Variants in CREBBP observed in about 807,000 individuals in gnomAD.
CREBBP encodes CREB-binding protein.
Under a neutral mutation model 265.0 loss-of-function variants are expected in CREBBP, and 19 were observed. That is an observed-to-expected ratio of 0.07 (90% confidence interval 0.05 to 0.11). The LOEUF is 0.11. Among genes scored for constraint, CREBBP ranks in the 10% least tolerant of loss-of-function variants. CREBBP has a pLI of 1.00. For synonymous variants in CREBBP, 1,457 were observed against 1,223.7 expected (o/e 1.19, Z -3.98); for missense variants, 2,525 against 3,219.0 (o/e 0.78, Z 5.22).
At chr16:3,861,212 T>G (rs1031271530) in intron 1 of CREBBP, among the ~76,000 whole-genome samples, 2 of 152,108 alleles carry the variant, frequency 1.3e-5, no homozygotes, top group African/African-American at 4.8e-5. Flanking sequence ...GAGGTTGCAG[T>G]GAGCCGAGAT....
rs1021296124 is a variant in CREBBP at position 3,880,050 on chromosome 16, G to T, written c.-134C>A. 3.5e-6 allele frequency: 2 copies of T among 576,924 alleles called. No homozygotes were observed. Among genetic ancestry groups the T allele is most frequent in the African/African-American group, 4.0e-5 (2 of 49,862 alleles). The allele number at this position is 576,924 out of a possible 1,614,324, so 35.7% of individuals were successfully genotyped here. ...CGCGAGCGGGCGGGCGGGCGCCGAG[G>T]GAGAGGGAGGGCGCAGGCCGGGTGG... On this transcript the variant is annotated 5_prime_UTR_variant, in exon 1 of 31. Transcript: ENST00000262367.
At chr16:3,758,453 C>T (rs2052637024) in intron 17 of CREBBP, among the ~76,000 whole-genome samples, 1 of 152,164 alleles carries the variant, frequency 6.6e-6, no homozygotes, top group Non-Finnish European at 1.5e-5. Context: ...AAACACAAAG[C>T]TAGTAATGAC....
At chr16:3,795,470 G>C (rs1226764516) in intron 3 of CREBBP, among the ~76,000 whole-genome samples, 4 of 152,058 alleles carry the variant, frequency 2.6e-5, no homozygotes, top group Admixed American at 2.0e-4. Context: ...TTTGCTTAGT[G>C]TTTTTTCCAT....
rs532376192 is a variant in CREBBP, at chr16:3,751,358, C to T, written c.3779+368G>A. Among the ~76,000 whole-genome samples, 168 of 152,302 alleles carry T rather than the reference C, an allele frequency of 1.1e-3. 1 individual carries two copies. Among genetic ancestry groups the T allele is most frequent in the South Asian group, 3.7e-3 (18 of 4,816 alleles). On this transcript the variant is annotated intron_variant, in intron 20 of 30. Coordinates refer to ENST00000262367, the MANE Select transcript of CREBBP (RefSeq NM_004380.3). The stretch of plus-strand genomic sequence containing the variant: ...ATCCCAGCACTTTGGAAGGCCCAGG[C>T]AGGTGGATTGTGCTTCAGTCTAGGA...
Position 3,726,044 on chromosome 16 carries a change from C to G in CREBBP, c.*1674G>C. 4.3e-6 allele frequency: 1 copy of G among 233,276 alleles called. No individual in the cohort carries two copies. Among genetic ancestry groups the G allele is most frequent in the East Asian group, 6.0e-5 (1 of 16,578 alleles). The allele number at this position is 233,276 out of a possible 1,614,324, so 14.5% of individuals were successfully genotyped here. ...GGAGGCAGGACCATGTGGCTAAGTG[C>G]AAGTATCCCCCGAAGTGGGGGACCT... On this transcript the variant is annotated 3_prime_UTR_variant, in exon 31 of 31. Coordinates refer to ENST00000262367, the MANE Select transcript of CREBBP (RefSeq NM_004380.3).
chr16:3,753,113 A>C (rs1189309185), intron 19 of CREBBP, among the ~76,000 whole-genome samples: 1 of 152,206 alleles, frequency 6.6e-6, no homozygotes, highest in Non-Finnish European at 1.5e-5. Context: ...TAGTATTAAA[A>C]ACAGTGCGAC....
intron 22 of CREBBP, 126 bp from the exon 23 acceptor site, chr16:3,745,087 A>C: frequency 1.1e-6 from 1 of 903,172 alleles, no homozygotes; most frequent in South Asian, 1.4e-5. Context: ...AAGAGTGAAG[A>C]GGCAGACTGC....
At position 3,734,001 on chromosome 16, in the gene CREBBP, G is replaced by C. The variant is rs373239476; in HGVS notation, c.4728+2035C>G. Among the ~76,000 whole-genome samples the C allele has an allele frequency of 3.3e-5, 5 of 152,300 alleles. No homozygotes were observed. In the East Asian group the frequency reaches 7.7e-4, roughly 23 times the overall value. ...ATGTTCATGAAATTAAGAAAATATAGACAAGTAATTTTAAAAAGTTTTGTT... is the reference window on the plus strand; with the variant it reads ...ATGTTCATGAAATTAAGAAAATATACACAAGTAATTTTAAAAAGTTTTGTT... On this transcript the variant is annotated intron_variant, in intron 28 of 30. Transcript: ENST00000262367.
intron 23 of CREBBP, chr16:3,740,796 C>T (rs1455498374): frequency 4.0e-5 from 22 of 554,522 alleles, no homozygotes; most frequent in Non-Finnish European, 4.9e-5. Flanking sequence ...GCATCTTTTT[C>T]TAACAGTATG....
intron 21 of CREBBP, among the ~76,000 whole-genome samples, chr16:3,746,509 T>C (rs947556069): frequency 1.1e-4 from 17 of 152,188 alleles, no homozygotes; most frequent in African/African-American, 4.1e-4. Context: ...AGCTCTGTCT[T>C]TGACAACTCA....
chr16:3,872,638 C>T (rs547883923), intron 1 of CREBBP, among the ~76,000 whole-genome samples: 9 of 152,194 alleles, frequency 5.9e-5, no homozygotes, highest in African/African-American at 2.2e-4. Context: ...CTAAAGGGAA[C>T]GCTGAGCGCA....
rs534853661 is a variant in CREBBP at position 3,850,879 on chromosome 16, C to A, written c.216G>T (p.Glu72Asp). The A allele has an allele frequency of 6.9e-5, 112 of 1,614,168 alleles. 2 individuals are homozygous for A. The South Asian group carries it at 1.2e-3, about 17-fold the overall frequency. ...TAGAGCCGCTGCCTCCTCGTAGAAG[C>A]TCCGACAGTTGTTTATGTTTGGAAG... ...DAASKHKQLS[E>D]LLRGGSGSSI... Residue 72 changes from glutamate to aspartate, a missense_variant, in exon 2 of 31, where the codon GAG becomes GAT. Around this residue, in one of 19 missense-constraint regions of CREBBP, gnomAD observed 356 missense variants for 340.4 expected, o/e 1.05. Transcript: ENST00000262367.
chr16:3,868,936 C>A (rs1051139603), intron 1 of CREBBP, among the ~76,000 whole-genome samples: 72 of 152,158 alleles, frequency 4.7e-4, no homozygotes, highest in African/African-American at 1.6e-3. Context: ...CCCGGGCCGA[C>A]CAACCCCCGC....
intron 23 of CREBBP, chr16:3,740,991 C>A (rs1017450402): frequency 3.2e-6 from 1 of 311,908 alleles, no homozygotes; most frequent in Non-Finnish European, 6.2e-6. Flanking sequence ...GTGGAACGTT[C>A]TAGGGCTAAC....
intron 8 of CREBBP, among the ~76,000 whole-genome samples, chr16:3,780,229 G>C (rs1484947611): frequency 7.3e-6 from 1 of 137,800 alleles, no homozygotes; most frequent in Non-Finnish European, 1.5e-5. Flanking sequence ...GCAACAGAGC[G>C]AGACTCTGTC....
At chr16:3,775,268 AGTGCCCAAGG>A (rs2053109815) in intron 11 of CREBBP, among the ~76,000 whole-genome samples, 1 of 152,204 alleles carries the variant, frequency 6.6e-6, no homozygotes, top group Admixed American at 6.5e-5. Context: ...AGCATTAAGA[AGTGCCCAAGG>A]GTCAGCCGTC....
At chr16:3,824,833 G>A (rs1487048810) in intron 2 of CREBBP, among the ~76,000 whole-genome samples, 1 of 152,178 alleles carries the variant, frequency 6.6e-6, no homozygotes, top group Non-Finnish European at 1.5e-5. Flanking sequence ...TCCTTGCACT[G>A]TCCCCAATCT....
At chr16:3,853,866 G>A (rs571448088) in intron 1 of CREBBP, among the ~76,000 whole-genome samples, 4 of 152,082 alleles carry the variant, frequency 2.6e-5, no homozygotes, top group East Asian at 3.9e-4. Context: ...GAACCTGGGA[G>A]GTGGAAGTTG....
intron 1 of CREBBP, among the ~76,000 whole-genome samples, chr16:3,851,449 T>C (rs1032055505): frequency 6.6e-6 from 1 of 152,038 alleles, no homozygotes; most frequent in Non-Finnish European, 1.5e-5. Flanking sequence ...TATCATATTC[T>C]AAAACAATAA....
Sources: gnomAD v4.1 joint callset for allele counts (sites outside exome capture counted in the v4.1 genomes callset) on GRCh38, gnomAD v4.1.1 for gene constraint, gnomAD v4.1.1 regional missense constraint, MANE v1.5 for transcripts, NCBI Gene and HGNC (gene_info 2026-07-23, HGNC 2026-07-21) for gene names.